Variants in FAT2 observed in about 807,000 individuals in gnomAD.
The protein encoded by FAT2 is FAT atypical cadherin 2.
A neutral mutation model predicts 295.3 loss-of-function variants in FAT2; 150 were observed. The observed-to-expected ratio is 0.51, with a 90% CI of 0.44 to 0.58. The LOEUF (loss-of-function observed/expected upper bound fraction) is 0.58. Among genes scored for constraint, FAT2 ranks in the 20% least tolerant of loss-of-function variants. The pLI, the probability that FAT2 is intolerant of heterozygous loss-of-function variation, is 0.00. For missense variants in FAT2, 4,868 were observed against 5,442.7 expected (o/e 0.89, Z 3.32); for synonymous variants, 2,026 against 2,150.3 (o/e 0.94, Z 1.60).
intron 15 of FAT2, among the ~76,000 whole-genome samples, chr5:151,528,799 C>G (rs998923885): frequency 2.6e-4 from 40 of 152,084 alleles, no homozygotes; most frequent in African/African-American, 9.7e-4. Flanking sequence ...TTGGTGTCCC[C>G]TCAGTCCCTG....
At chr5:151,554,712 T>C (rs1224921837) in intron 4 of FAT2, 39 bp from the exon 5 acceptor site, 3 of 1,516,632 alleles carry the variant, frequency 2.0e-6, no homozygotes, top group Non-Finnish European at 2.7e-6. Flanking sequence ...GAGCTGACAA[T>C]TGCAAATTAG....
rs1437437373 is a variant in FAT2, at chr5:151,566,613, A to G, written c.2319T>C (p.Thr773=). 1 of 1,614,200 alleles carries G rather than the reference A, an allele frequency of 6.2e-7. No homozygotes were observed. Among genetic ancestry groups the G allele is most frequent in the Non-Finnish European group, 8.5e-7 (1 of 1,180,046 alleles). ...FDIELETGLL[T]VAAPLDYEAT... is the part of the protein sequence containing the mutation. ...CTTCATAGTCCAAGGGAGCAGCTAC[A>G]GTGAGCAGCCCTGTCTCCAGCTCTA... The change falls in exon 2 of 24, where the codon ACT becomes ACC. Residue 773 remains threonine (T), a synonymous_variant. Coordinates refer to ENST00000261800, the MANE Select transcript of FAT2 (RefSeq NM_001447.3).
At chr5:151,511,760 T>A in intron 21 of FAT2, 1 of 181,352 alleles carries the variant, frequency 5.5e-6, no homozygotes, top group East Asian at 1.4e-4. Flanking sequence ...AAAAACAACA[T>A]GTATTTTGCA....
At chr5:151,563,199 T>C in intron 3 of FAT2, 126 bp downstream of exon 3, 1 of 881,040 alleles carries the variant, frequency 1.1e-6, no homozygotes, top group East Asian at 2.6e-5. Flanking sequence ...ATTCAGTGGA[T>C]TTAGGGTGGG....
rs1758367901 is a variant in FAT2 at position 151,568,150 on chromosome 5, A to C, written c.782T>G (p.Val261Gly). ...RKPPAIASVV[V>G]TPPDSNDGTT... ...ACCATCATTGCTGTCTGGTGGAGTC[A>C]CCACCACCGAAGCAATGGCTGGGGG... Residue 261 changes from valine (V) to glycine (G), a missense_variant, in exon 2 of 24, where the codon GTG becomes GGG. By Grantham distance (109) the Val-to-Gly change is moderately radical. Around this residue, in one of 5 missense-constraint regions of FAT2, gnomAD observed 3,297 missense variants for 3,669.4 expected, o/e 0.90. Coordinates refer to ENST00000261800, the MANE Select transcript of FAT2 (RefSeq NM_001447.3). 2.5e-6 allele frequency: 4 copies of C among 1,613,952 alleles called. 1 individual carries two copies. The highest frequency in any genetic ancestry group is 3.4e-6 in the Non-Finnish European group (4 of 1,179,956).
In FAT2 at chr5:151,537,959, A is replaced by G; in HGVS notation, c.9040-13T>C. On this transcript the variant is annotated splice_polypyrimidine_tract_variant and intron_variant, in intron 11 of 23. Coordinates refer to ENST00000261800, the MANE Select transcript of FAT2 (RefSeq NM_001447.3). Reference sequence around the variant, plus strand: ...CAGTATAGAGAAGCTAGAGATGGAAAGACAAAGAAGAGGGAGACTGTGGGG... The same window carrying G: ...CAGTATAGAGAAGCTAGAGATGGAAGGACAAAGAAGAGGGAGACTGTGGGG... The G allele has an allele frequency of 6.2e-7, 1 of 1,612,820 alleles. No individual in the cohort carries two copies. The highest frequency in any genetic ancestry group is 8.5e-7 in the Non-Finnish European group (1 of 1,179,280).
chr5:151,565,657 A>ACCCCCCCC lies in FAT2; in HGVS notation c.3259+15_3259+16insGGGGGGGG. On this transcript the variant is annotated intron_variant, in intron 2 of 23. Transcript: ENST00000261800. ...ACCTCTGGCCCTGGCACCCCACCCTACCCCACCCCCAGTACCTGTATCTTG... is the reference window on the plus strand; with the variant it reads ...ACCTCTGGCCCTGGCACCCCACCCTACCCCCCCCCCCCACCCCCAGTACCTGTATCTTG... The ACCCCCCCC allele has an allele frequency of 9.6e-7, 1 of 1,038,302 alleles. No homozygotes were observed. 64.3% of individuals were successfully genotyped at this position (1,038,302 alleles called of 1,614,324 possible).
chr5:151,545,693 A>G lies in FAT2; in HGVS notation c.5434T>C (p.Phe1812Leu). 1.9e-6 allele frequency: 3 copies of G among 1,614,082 alleles called. No homozygotes were observed. In the South Asian group the frequency reaches 3.3e-5, roughly 18 times the overall value. ...CCCATGCTGGGATCAATTTTGAAAA[A>G]CTTCAAGGCCTCCGGCTCCAAAATT... ...YKILEPEALK[F>L]FKIDPSMGTL... Residue 1812 changes from phenylalanine (F) to leucine (L), a missense_variant, in exon 10 of 24, where the codon TTT becomes CTT. Around this residue, in one of 5 missense-constraint regions of FAT2, gnomAD observed 3,297 missense variants for 3,669.4 expected, o/e 0.90. Coordinates refer to ENST00000261800, the MANE Select transcript of FAT2 (RefSeq NM_001447.3).
intron 1 of FAT2, among the ~76,000 whole-genome samples, chr5:151,583,283 T>C (rs997439753): frequency 1.3e-5 from 2 of 152,162 alleles, no homozygotes; most frequent in African/African-American, 2.4e-5. Context: ...CAGCCCCAAA[T>C]TGGAAACAAA....
Position 151,563,244 on chromosome 5 carries a change from G to A in FAT2, c.3574+81C>T, listed in dbSNP as rs184091085. The stretch of plus-strand genomic sequence containing the variant: ...TTTGAATTTCCAAGTTCACAGTAAT[G>A]CTGATGGTGCCGATTTGGGCCCACA... On this transcript the variant is annotated intron_variant, in intron 3 of 23. Coordinates refer to ENST00000261800, the MANE Select transcript of FAT2 (RefSeq NM_001447.3). The A allele has an allele frequency of 1.7e-5, 23 of 1,321,278 alleles. No homozygotes were observed. The Admixed American group carries it at 3.5e-4, about 20-fold the overall frequency. The allele number at this position is 1,321,278 out of a possible 1,614,324, so 81.8% of individuals were successfully genotyped here.
rs1756566281 is a variant in FAT2 at position 151,545,765 on chromosome 5, G to A, written c.5362C>T (p.His1788Tyr). The A allele has an allele frequency of 4.3e-6, 7 of 1,614,092 alleles. No individual in the cohort carries two copies. The highest frequency in any genetic ancestry group is 5.9e-6 in the Non-Finnish European group (7 of 1,179,996). ...GCTTCTTTGTCACTGTCAGAGGCAT[G>A]AATCACAAAGGGGTTGTTGTTTTTA... is the stretch of plus-strand genomic sequence containing the variant. ...MDKNNNPFVI[H>Y]ASDSDKEANS... Residue 1788 changes from histidine to tyrosine, a missense_variant, in exon 10 of 24, where the codon CAT becomes TAT. Transcript: ENST00000261800.
chr5:151,554,888 G>C (rs368148891), intron 4 of FAT2, among the ~76,000 whole-genome samples: 70 of 152,346 alleles, frequency 4.6e-4, no homozygotes, highest in African/African-American at 1.7e-3. Flanking sequence ...ACTGGAAGAA[G>C]ACAGAGTCAG....
At chr5:151,530,312 C>A (rs1473975857) in intron 14 of FAT2, among the ~76,000 whole-genome samples, 1 of 151,022 alleles carries the variant, frequency 6.6e-6, no homozygotes, top group African/African-American at 2.4e-5. Context: ...AACAGCATAG[C>A]ATCATCTGTG....
Position 151,542,490 on chromosome 5 carries a change from G to T in FAT2, c.8637C>A (p.Asp2879Glu). ...QTYHFHVVAYDHGQTIQLSSQ... is the reference protein window; with the variant it reads ...QTYHFHVVAYEHGQTIQLSSQ... ...AGGATAGCTGGATGGTCTGTCCGTG[G>T]TCATAGGCCACCACATGAAAATGAT... The change falls in exon 10 of 24, where the codon GAC (aspartate) becomes GAA (glutamate). Residue 2879 changes from aspartate (D) to glutamate (E), a missense_variant. By Grantham distance (45) the Asp-to-Glu change is conservative (BLOSUM62 2). This residue lies in a region of FAT2 where 3,297 missense variants were observed against 3,669.4 expected (regional missense o/e 0.90). Coordinates refer to ENST00000261800, the MANE Select transcript of FAT2 (RefSeq NM_001447.3). 6.2e-7 allele frequency: 1 copy of T among 1,614,186 alleles called. No individual in the cohort carries two copies. The highest frequency in any genetic ancestry group is 8.5e-7 in the Non-Finnish European group (1 of 1,180,042).
At chr5:151,594,731 C>T (rs188492482), upstream of FAT2, among the ~76,000 whole-genome samples, 1 of 152,284 alleles carries the variant, frequency 6.6e-6, no homozygotes, top group African/African-American at 2.4e-5. Context: ...GCAATACAGC[C>T]ACACTCACCT....
At chr5:151,570,412 C>T (rs1758476182) in intron 1 of FAT2, among the ~76,000 whole-genome samples, 1 of 152,262 alleles carries the variant, frequency 6.6e-6, no homozygotes, top group African/African-American at 2.4e-5. Flanking sequence ...CGAGATCAGT[C>T]AAGCTCCAAG....
intron 21 of FAT2, 194 bp downstream of exon 21, chr5:151,511,971 T>C: frequency 1.7e-6 from 1 of 596,726 alleles, no homozygotes; most frequent in Non-Finnish European, 3.0e-6. Flanking sequence ...AGATAGTTTT[T>C]GTTGAGAGGG....
rs774646019 is a variant in FAT2, at chr5:151,543,178, A to C, written c.7949T>G (p.Val2650Gly). ...TGVVKVKDSLVGLENQTLDFF... is the reference protein window; with the variant it reads ...TGVVKVKDSLGGLENQTLDFF... The stretch of plus-strand genomic sequence containing the variant: ...GTCAAGGGTCTGATTTTCCAATCCC[A>C]CCAGGCTGTCTTTCACCTTGACCAC... Residue 2650 changes from valine to glycine, a missense_variant, in exon 10 of 24, where the codon GTG becomes GGG. Coordinates refer to ENST00000261800, the MANE Select transcript of FAT2 (RefSeq NM_001447.3). 1 of 1,614,076 alleles carries C rather than the reference A, an allele frequency of 6.2e-7. No individual in the cohort carries two copies. Among genetic ancestry groups the C allele is most frequent in the East Asian group, 2.2e-5 (1 of 44,892 alleles).
chr5:151,554,579 G>C lies in FAT2; in HGVS notation c.3728C>G (p.Ser1243Cys), dbSNP rs757012358. Residue 1243 changes from serine (S) to cysteine (C), a missense_variant, in exon 5 of 24, where the codon TCC becomes TGC. Physicochemically the swap from Ser to Cys is moderately radical, Grantham distance 112 (BLOSUM62 -1). Coordinates refer to ENST00000261800, the MANE Select transcript of FAT2 (RefSeq NM_001447.3). ...LDVNDNPPIFSHKLFNVRLPE... is the reference protein window; with the variant it reads ...LDVNDNPPIFCHKLFNVRLPE... ...AAGGCGGACATTGAAGAGCTTGTGG[G>C]AGAATATAGGTGGATTGTCATTGAC... 1.9e-6 allele frequency: 3 copies of C among 1,614,092 alleles called. No homozygotes were observed. In the African/African-American group the frequency reaches 4.0e-5, roughly 22 times the overall value.
Sources: allele counts gnomAD v4.1 joint callset (sites outside exome capture counted in the v4.1 genomes callset), GRCh38; gene constraint gnomAD v4.1.1; regional missense constraint gnomAD v4.1.1; transcripts MANE v1.5; gene names NCBI Gene and HGNC (gene_info 2026-07-23, HGNC 2026-07-21).